The following NLGN4X variants were observed in gnomAD, a reference collection of about 807,000 sequenced individuals.
NLGN4X encodes neuroligin-4, X-linked.
In NLGN4X, 3 loss-of-function variants were observed where a neutral mutation model predicts 40.3. The observed-to-expected ratio is 0.07, with a 90% CI of 0.03 to 0.19. The LOEUF (loss-of-function observed/expected upper bound fraction) is 0.19. Ranked by LOEUF, NLGN4X falls within the 10% of genes least tolerant of loss-of-function variation. NLGN4X has a pLI of 1.00. For synonymous variants in NLGN4X, 270 were observed against 306.8 expected, an observed-to-expected ratio of 0.88 and a Z score of 1.25; for missense variants, 382 against 708.3, an observed-to-expected ratio of 0.54 and a Z score of 5.23.
chrX:6,022,459 A>C (rs773116371), intron 3 of NLGN4X, among the ~76,000 whole-genome samples: 2 of 112,439 alleles, frequency 1.8e-5, no homozygotes, highest in Non-Finnish European at 3.8e-5. Context: ...AATGTACCAA[A>C]AATAGAGCAA....
intron 2 of NLGN4X, among the ~76,000 whole-genome samples, chrX:6,042,688 T>TATAA (rs2037192338): frequency 1.0e-4 from 1 of 9,526 alleles, no homozygotes; most frequent in Non-Finnish European, 1.5e-4. Context: ...AGAGGTTTTA[T>TATAA]ATATATATAT....
At chrX:6,000,928 G>A (rs755091761) in intron 3 of NLGN4X, among the ~76,000 whole-genome samples, 1 of 111,722 alleles carries the variant, frequency 9.0e-6, no homozygotes, top group East Asian at 2.8e-4. Flanking sequence ...ATACCCGAGA[G>A]TGGGTAATGT....
chrX:6,100,561 G>A (rs926762123), intron 2 of NLGN4X, among the ~76,000 whole-genome samples: 6 of 111,994 alleles, frequency 5.4e-5, no homozygotes, highest in African/African-American at 9.7e-5. Context: ...TGGGAGCTCC[G>A]TGGAGGGAAA....
chrX:6,052,262 C>T (rs2037512533), intron 2 of NLGN4X, among the ~76,000 whole-genome samples: 1 of 111,745 alleles, frequency 8.9e-6, no homozygotes, highest in Admixed American at 9.5e-5. Context: ...TGCCCAGACG[C>T]CTGACCACAG....
At chrX:6,124,341 A>T (rs1311389945) in intron 2 of NLGN4X, among the ~76,000 whole-genome samples, 1 of 111,899 alleles carries the variant, frequency 8.9e-6, no homozygotes, top group South Asian at 3.7e-4. Flanking sequence ...TTACAGTAGA[A>T]TAAAACACAA....
intron 4 of NLGN4X, among the ~76,000 whole-genome samples, chrX:5,908,343 T>A (rs927074664): frequency 2.7e-5 from 3 of 110,835 alleles, no homozygotes; most frequent in Non-Finnish European, 5.7e-5. Flanking sequence ...ATTTAAAGAA[T>A]TAATATGAAT....
intron 2 of NLGN4X, among the ~76,000 whole-genome samples, chrX:6,049,500 C>T (rs1401955237): frequency 9.2e-5 from 10 of 109,236 alleles, no homozygotes; most frequent in South Asian, 4.1e-4. Context: ...TTTCCATCAT[C>T]GTCTGTCTTT....
At chrX:5,971,594 T>C (rs1357504945) in intron 3 of NLGN4X, among the ~76,000 whole-genome samples, 2 of 111,709 alleles carry the variant, frequency 1.8e-5, no homozygotes, top group Non-Finnish European at 1.9e-5. Context: ...AGATGTTCAT[T>C]CACCACTTTT....
At chrX:6,089,256 C>T (rs766757180) in intron 2 of NLGN4X, among the ~76,000 whole-genome samples, 76 of 111,973 alleles carry the variant, frequency 6.8e-4, no homozygotes, top group Non-Finnish European at 1.2e-3. Flanking sequence ...ATGTTAACGC[C>T]TATTAAACTA....
intron 3 of NLGN4X, among the ~76,000 whole-genome samples, chrX:5,973,902 G>A (rs1200075823): frequency 1.8e-5 from 2 of 112,248 alleles, no homozygotes; most frequent in East Asian, 2.8e-4. Flanking sequence ...AACAATCTTC[G>A]TGTCCAACCA....
intron 4 of NLGN4X, among the ~76,000 whole-genome samples, chrX:5,907,079 A>G (rs1355540075): frequency 9.8e-6 from 1 of 101,997 alleles, no homozygotes; most frequent in Non-Finnish European, 2.0e-5. Flanking sequence ...AGACTCCCTG[A>G]AAAAAAAAAA....
In NLGN4X at chrX:5,903,781, T is replaced by C. The variant is rs151073358; in HGVS notation, c.897A>G (p.Ile299Met). ...TGTTGCAGCCGACCTTGTCTGCCAA[T>C]ATCCGAGTGTACTTGGCCGGCTGGT... ...VNYQPAKYTR[I>M]LADKVGCNML... The change falls in exon 5 of 6, where the codon ATA becomes ATG. Residue 299 changes from isoleucine (I) to methionine (M), a missense_variant. Coordinates refer to ENST00000381095, the MANE Select transcript of NLGN4X (RefSeq NM_181332.3). 1.2e-3 allele frequency: 1,499 copies of C among 1,210,157 alleles called. 16 individuals are homozygous for C. The African/African-American group carries it at 0.023, about 19-fold the overall frequency.
At chrX:6,064,863 A>G (rs1212621566) in intron 2 of NLGN4X, among the ~76,000 whole-genome samples, 1 of 111,575 alleles carries the variant, frequency 9.0e-6, no homozygotes, top group Admixed American at 9.5e-5. Flanking sequence ...GAATCCACCT[A>G]GATGGCCATC....
intron 2 of NLGN4X, among the ~76,000 whole-genome samples, chrX:6,040,936 C>A (rs1042690534): frequency 7.2e-5 from 8 of 111,003 alleles, no homozygotes; most frequent in Non-Finnish European, 1.5e-4. Context: ...TTTCATGATC[C>A]CCCCCAAAAA....
At chrX:6,224,334 G>A in intron 1 of NLGN4X, among the ~76,000 whole-genome samples, 1 of 111,734 alleles carries the variant, frequency 8.9e-6, no homozygotes, top group Non-Finnish European at 1.9e-5. Flanking sequence ...GAACCTTTTG[G>A]TTGTGGTCTA....
At chrX:5,969,621 T>C (rs909396049) in intron 3 of NLGN4X, among the ~76,000 whole-genome samples, 6 of 111,132 alleles carry the variant, frequency 5.4e-5, no homozygotes, top group East Asian at 2.9e-4. Flanking sequence ...TGTGGCGATT[T>C]CTCAGGGATC....
At chrX:6,175,847 T>C (rs2040722202) in intron 1 of NLGN4X, among the ~76,000 whole-genome samples, 2 of 110,547 alleles carry the variant, frequency 1.8e-5, no homozygotes, top group South Asian at 7.9e-4. Context: ...CCACTCTTTC[T>C]GTAACCTCAG....
At chrX:6,201,419 AAGCAC>A (rs113253361) in intron 1 of NLGN4X, among the ~76,000 whole-genome samples, 1,808 of 112,037 alleles carry the variant, frequency 0.016, 35 homozygotes, top group African/African-American at 0.054. Flanking sequence ...GCAGGTGGTG[AAGCAC>A]AGTGGATGCT....
intron 3 of NLGN4X, among the ~76,000 whole-genome samples, chrX:5,919,950 T>C (rs1334051907): frequency 8.9e-6 from 1 of 111,988 alleles, no homozygotes; most frequent in African/African-American, 3.3e-5. Context: ...CTCTCTGAGT[T>C]CTTCATGGTG....
Sources: gnomAD v4.1 joint callset for allele counts (sites outside exome capture counted in the v4.1 genomes callset) on GRCh38, gnomAD v4.1.1 for gene constraint, MANE v1.5 for transcripts, NCBI Gene and HGNC (gene_info 2026-07-23, HGNC 2026-07-21) for gene names.